The following DAB2IP variants were observed in gnomAD, a reference collection of about 807,000 sequenced individuals.
DAB2IP encodes the protein DAB2 interacting protein.
In DAB2IP, 28 loss-of-function variants were observed where a neutral mutation model predicts 107.2. That is an observed-to-expected ratio of 0.26 (90% CI 0.19 to 0.36). The LOEUF is 0.36. Ranked by LOEUF, DAB2IP falls within the 10% of genes least tolerant of loss-of-function variation. The pLI is 1.00. For missense variants in DAB2IP, 1,400 were observed against 1,644.7 expected, an observed-to-expected ratio of 0.85 and a Z score of 2.57; for synonymous variants, 755 against 706.4, an observed-to-expected ratio of 1.07 and a Z score of -1.09.
At chr9:121,668,919 T>G (rs1276996927) in intron 1 of DAB2IP, among the ~76,000 whole-genome samples, 1 of 130,718 alleles carries the variant, frequency 7.7e-6, no homozygotes, top group African/African-American at 2.6e-5. Flanking sequence ...TTTTTTTTTT[T>G]TTTTTTTTTT....
chr9:121,735,119 C>T (rs1253973863), intron 3 of DAB2IP, among the ~76,000 whole-genome samples: 1 of 152,228 alleles, frequency 6.6e-6, no homozygotes, highest in East Asian at 1.9e-4. Context: ...TGAGGGAAAA[C>T]TTCTCAGAAG....
chr9:121,669,487 A>G (rs1240789412), intron 1 of DAB2IP, among the ~76,000 whole-genome samples: 1 of 152,134 alleles, frequency 6.6e-6, no homozygotes, highest in African/African-American at 2.4e-5. Flanking sequence ...GTTAGGAAGA[A>G]CCTAGTATAG....
At chr9:121,710,829 G>C (rs981250003) in intron 3 of DAB2IP, among the ~76,000 whole-genome samples, 1 of 152,200 alleles carries the variant, frequency 6.6e-6, no homozygotes, top group Non-Finnish European at 1.5e-5. Context: ...TACTACAGCA[G>C]ACTCACCAAG....
intron 1 of DAB2IP, among the ~76,000 whole-genome samples, chr9:121,666,703 A>T (rs888470748): frequency 6.6e-6 from 1 of 152,142 alleles, no homozygotes; most frequent in Non-Finnish European, 1.5e-5. Context: ...ACCATGTCAC[A>T]TGTATACCTA....
Position 121,662,496 on chromosome 9 carries a change from T to A in DAB2IP, c.124+10597T>A, listed in dbSNP as rs1370451587. Among the ~76,000 whole-genome samples the A allele has an allele frequency of 2.6e-5, 4 of 152,254 alleles. No homozygotes were observed. Among genetic ancestry groups the A allele is most frequent in the Non-Finnish European group, 5.9e-5 (4 of 68,042 alleles). On this transcript the variant is annotated intron_variant, in intron 1 of 15. Transcript: ENST00000408936. This position sits in a 1 kb window ranked among gnomAD's most constrained non-coding sequence, Gnocchi z 4.6. ...AAAGTTTTATTGGAACACAGCCATG[T>A]TCATTCATTTGTGTATTGTCTATAG... is the stretch of plus-strand genomic sequence containing the variant.
upstream of DAB2IP, among the ~76,000 whole-genome samples, chr9:121,649,968 A>G (rs552154554): frequency 1.8e-4 from 28 of 152,172 alleles, no homozygotes; most frequent in Non-Finnish European, 3.1e-4. Flanking sequence ...CAAATTCATA[A>G]ACTTTCTTAA....
In DAB2IP at chr9:121,701,827, G is replaced by T. The variant is rs1454105397; in HGVS notation, c.362+2369G>T. Among the ~76,000 whole-genome samples the T allele has an allele frequency of 2.0e-5, 3 of 152,192 alleles. No homozygotes were observed. Among genetic ancestry groups the T allele is most frequent in the African/African-American group, 7.2e-5 (3 of 41,458 alleles). ...CAGTGCCTCTCCCTGCTCTGATGTG[G>T]TGTGGTTGTGATGTTGAAGGCTGGG... On this transcript the variant is annotated intron_variant, in intron 3 of 15. Coordinates refer to ENST00000408936, the Ensembl canonical transcript of DAB2IP. This position sits in a 1 kb window ranked among gnomAD's most constrained non-coding sequence, Gnocchi z 4.7.
intron 1 of DAB2IP, among the ~76,000 whole-genome samples, chr9:121,642,019 CTCTCTCTCTCTCTT>C (rs1832350329): frequency 3.1e-5 from 1 of 32,400 alleles, no homozygotes; most frequent in African/African-American, 1.5e-4. Flanking sequence ...CTCTCTCTCT[CTCTCTCTCTCTCTT>C]TCTTTCTTTC....
intron 1 of DAB2IP, among the ~76,000 whole-genome samples, chr9:121,618,553 G>A (rs1447752651): frequency 1.3e-5 from 2 of 152,132 alleles, no homozygotes; most frequent in Non-Finnish European, 2.9e-5. Context: ...TAGAGAGAGG[G>A]TTTCGCCATG....
At chr9:121,761,442 G>A (rs951543721) in intron 6 of DAB2IP, among the ~76,000 whole-genome samples, 4 of 152,192 alleles carry the variant, frequency 2.6e-5, no homozygotes, top group African/African-American at 7.2e-5. Context: ...GCTCTGGGTC[G>A]GGGAGGCACA....
At chr9:121,761,362 G>A (rs1833876378) in intron 6 of DAB2IP, among the ~76,000 whole-genome samples, 1 of 152,258 alleles carries the variant, frequency 6.6e-6, no homozygotes, top group South Asian at 2.1e-4. Flanking sequence ...CTGCCCTCTG[G>A]ACAGTGGCGT....
Position 121,572,852 on chromosome 9 carries a change from T to C in DAB2IP, c.40+5624T>C, listed in dbSNP as rs74451068. Among the ~76,000 whole-genome samples, 166 of 152,240 alleles carry C rather than the reference T, an allele frequency of 1.1e-3. 1 individual carries two copies. Among genetic ancestry groups the C allele is most frequent in the Non-Finnish European group, 1.3e-3 (86 of 68,030 alleles). Reference sequence around the variant, plus strand: ...AAGCGGGTGGTTGCTTTCGATATCATGGAGGTGGAGCAGGCAGCTCAAAAG... The same window carrying C: ...AAGCGGGTGGTTGCTTTCGATATCACGGAGGTGGAGCAGGCAGCTCAAAAG... On this transcript the variant is annotated intron_variant, in intron 1 of 16. Transcript: ENST00000259371.
chr9:121,761,148 C>T (rs772589310), intron 6 of DAB2IP, among the ~76,000 whole-genome samples: 6 of 152,216 alleles, frequency 3.9e-5, no homozygotes, highest in Admixed American at 1.3e-4. Context: ...CCCACCTACC[C>T]GGTTTGGGGA....
chr9:121,774,543 CCT>C (rs1262918296), intron 13 of DAB2IP, 131 bp downstream of exon 13: 4 of 1,071,152 alleles, frequency 3.7e-6, no homozygotes, highest in South Asian at 1.8e-5. Context: ...CCTCTGAGCC[CCT>C]GTTCCCTGTG....
chr9:121,676,451 T>C (rs536143819), intron 1 of DAB2IP, among the ~76,000 whole-genome samples: 18 of 152,152 alleles, frequency 1.2e-4, no homozygotes, highest in Non-Finnish European at 2.6e-4. Context: ...TGTCTGGGCA[T>C]TACCGTCTCA....
chr9:121,705,154 G>C (rs529583869), intron 3 of DAB2IP, among the ~76,000 whole-genome samples: 1 of 152,344 alleles, frequency 6.6e-6, no homozygotes, highest in East Asian at 1.9e-4. Flanking sequence ...ATGTTTTTAG[G>C]AACGGTGGAA....
Position 121,590,237 on chromosome 9 carries a change from G to T in DAB2IP, c.40+23009G>T, listed in dbSNP as rs186620746. ...ACTACTTATGCTCCGTGACCGTCAT[G>T]CCCCACACGCACACTAGATCGGAGC... On this transcript the variant is annotated intron_variant, in intron 1 of 16. Transcript: ENST00000259371. Among the ~76,000 whole-genome samples, 4 of 149,772 alleles carry T rather than the reference G, an allele frequency of 2.7e-5. No homozygotes were observed. In the South Asian group the frequency reaches 6.5e-4, roughly 24 times the overall value.
In DAB2IP at chr9:121,701,152, G is replaced by A. The variant is rs555006214; in HGVS notation, c.362+1694G>A. On this transcript the variant is annotated intron_variant, in intron 3 of 15. Transcript: ENST00000408936. This position sits in a 1 kb window ranked among gnomAD's most constrained non-coding sequence, Gnocchi z 4.7. ...TTTGTGTGCATGTGGTGGTTGTCCG[G>A]GGAGCAGGAGAGACAACAGGCAGTC... Among the ~76,000 whole-genome samples the A allele has an allele frequency of 2.6e-5, 4 of 152,346 alleles. No homozygotes were observed. The highest frequency in any genetic ancestry group is 1.3e-4 in the Admixed American group (2 of 15,304).
intron 3 of DAB2IP, among the ~76,000 whole-genome samples, chr9:121,706,740 T>C (rs1171246633): frequency 2.6e-5 from 4 of 152,210 alleles, no homozygotes; most frequent in Non-Finnish European, 5.9e-5. Flanking sequence ...CCTCCTGAGA[T>C]AGAGGTCGTC....
Sources: gnomAD v4.1 joint callset for allele counts (sites outside exome capture counted in the v4.1 genomes callset) on GRCh38, gnomAD v4.1.1 for gene constraint, Gnocchi (gnomAD v3.1) non-coding constraint, MANE v1.5 for transcripts, NCBI Gene and HGNC (gene_info 2026-07-23, HGNC 2026-07-21) for gene names.